AP2B1: variants seen among roughly 807,000 people sequenced by gnomAD.
The protein encoded by AP2B1 is adaptor related protein complex 2 subunit beta 1.
In AP2B1, 23 loss-of-function variants were observed where a neutral mutation model predicts 102.0. The observed-to-expected ratio is 0.23, with a 90% CI of 0.16 to 0.32. The LOEUF (loss-of-function observed/expected upper bound fraction) is 0.32. Ranked by LOEUF, AP2B1 falls within the 10% of genes least tolerant of loss-of-function variation. The pLI, the probability that AP2B1 is intolerant of heterozygous loss-of-function variation, is 1.00. For missense variants in AP2B1, 541 were observed against 1,157.4 expected (o/e 0.47, Z 7.73); for synonymous variants, 381 against 421.2 (o/e 0.90, Z 1.17).
chr17:35,589,790 C>G (rs1407760038), intron 1 of AP2B1, among the ~76,000 whole-genome samples: 1 of 152,156 alleles, frequency 6.6e-6, no homozygotes, highest in East Asian at 1.9e-4. Context: ...TCCATCATGG[C>G]TTTGCTTATT....
intron 2 of AP2B1, among the ~76,000 whole-genome samples, chr17:35,595,065 A>G (rs1567763829): frequency 6.6e-6 from 1 of 152,158 alleles, no homozygotes; most frequent in East Asian, 1.9e-4. Context: ...GCCAACTACC[A>G]TTCTTCTTTT....
At chr17:35,642,374 T>A (rs1302686736) in intron 12 of AP2B1, among the ~76,000 whole-genome samples, 1 of 152,234 alleles carries the variant, frequency 6.6e-6, no homozygotes, top group Non-Finnish European at 1.5e-5. Context: ...CCAGAGTAGT[T>A]GCCTTTCTCA....
chr17:35,688,504 C>A, intron 18 of AP2B1, among the ~76,000 whole-genome samples: 1 of 152,110 alleles, frequency 6.6e-6, no homozygotes, highest in Non-Finnish European at 1.5e-5. Flanking sequence ...AAACTCATGT[C>A]CTTCAATTTT....
At chr17:35,645,034 A>G (rs991742663) in intron 12 of AP2B1, among the ~76,000 whole-genome samples, 3 of 142,210 alleles carry the variant, frequency 2.1e-5, no homozygotes, top group African/African-American at 7.5e-5. Flanking sequence ...TCTGTCTCGG[A>G]AAAAAAAAAA....
At chr17:35,626,903 T>A (rs1361051643) in intron 7 of AP2B1, 61 bp downstream of exon 7, 1 of 1,424,522 alleles carries the variant, frequency 7.0e-7, no homozygotes, top group Non-Finnish European at 9.9e-7. Context: ...CTTAATAATG[T>A]CAATGTTAAT....
chr17:35,707,006 C>A (rs990590133), intron 18 of AP2B1, among the ~76,000 whole-genome samples: 1 of 152,014 alleles, frequency 6.6e-6, no homozygotes, highest in Non-Finnish European at 1.5e-5. Context: ...TCAAGATCTT[C>A]TTGGTGCCCT....
intron 3 of AP2B1, among the ~76,000 whole-genome samples, chr17:35,599,817 G>A (rs2073417608): frequency 1.3e-5 from 2 of 152,170 alleles, no homozygotes. Flanking sequence ...GGCTGAGGCA[G>A]TAGAATTGCT....
chr17:35,667,189 A>G (rs1332607848), intron 14 of AP2B1, among the ~76,000 whole-genome samples: 1 of 152,172 alleles, frequency 6.6e-6, no homozygotes, highest in Non-Finnish European at 1.5e-5. Context: ...ACCCATCATC[A>G]TGCTGTCACC....
At chr17:35,606,732 A>T (rs1263936109) in intron 4 of AP2B1, among the ~76,000 whole-genome samples, 1 of 152,092 alleles carries the variant, frequency 6.6e-6, no homozygotes, top group Non-Finnish European at 1.5e-5. Context: ...CCTGAACATC[A>T]TATATTAAAT....
At chr17:35,617,402 A>G (rs2074056151) in intron 5 of AP2B1, among the ~76,000 whole-genome samples, 1 of 152,212 alleles carries the variant, frequency 6.6e-6, no homozygotes, top group Non-Finnish European at 1.5e-5. Context: ...AGTGCCGGAT[A>G]TTAATAATTT....
chr17:35,639,826 A>G (rs1045987697), intron 11 of AP2B1, 66 bp downstream of exon 11: 20 of 1,462,450 alleles, frequency 1.4e-5, no homozygotes, highest in Admixed American at 1.3e-4. Context: ...CAGAGAAAGC[A>G]AAGGTTATAG....
At chr17:35,634,083 G>T (rs375428361) in intron 9 of AP2B1, among the ~76,000 whole-genome samples, 45 of 152,206 alleles carry the variant, frequency 3.0e-4, no homozygotes, top group African/African-American at 1.1e-3. Context: ...GGAGACAAAG[G>T]TTGCAGTGAG....
At chr17:35,697,263 G>A (rs982197406) in intron 18 of AP2B1, among the ~76,000 whole-genome samples, 1 of 152,234 alleles carries the variant, frequency 6.6e-6, no homozygotes, top group Non-Finnish European at 1.5e-5. Flanking sequence ...CAAGATCACA[G>A]CACATTAATG....
chr17:35,682,890 T>G, intron 18 of AP2B1, 66 bp downstream of exon 18: 1 of 1,441,344 alleles, frequency 6.9e-7, no homozygotes, highest in Non-Finnish European at 9.4e-7. Context: ...ATTATTATTA[T>G]TTTTAAAGAC....
At position 35,605,770 on chromosome 17, in the gene AP2B1, A is replaced by G; in HGVS notation, c.209A>G (p.Tyr70Cys). ...AATCTGGAACTAAAGAAGCTTGTGT[A>G]TCTCTACTTGATGAACTACGCCAAG... ...TDNLELKKLV[Y>C]LYLMNYAKSQ... The change falls in exon 4 of 22, where the codon TAT becomes TGT. Residue 70 changes from tyrosine to cysteine, a missense_variant. Tyr to Cys is a radical substitution (Grantham distance 194). This residue lies in a region of AP2B1 where 28 missense variants were observed against 98.3 expected (regional missense o/e 0.28). Coordinates refer to ENST00000610402, the MANE Select transcript of AP2B1 (RefSeq NM_001030006.2). 6.2e-7 allele frequency: 1 copy of G among 1,614,212 alleles called. No homozygotes were observed. Among genetic ancestry groups the G allele is most frequent in the Non-Finnish European group, 8.5e-7 (1 of 1,180,004 alleles).
intron 18 of AP2B1, among the ~76,000 whole-genome samples, chr17:35,687,891 T>G (rs992912950): frequency 3.9e-5 from 6 of 152,214 alleles, no homozygotes; most frequent in African/African-American, 1.2e-4. Context: ...TCTTTGAAGC[T>G]GAGCCATATA....
At chr17:35,633,176 A>G (rs2074510917) in intron 9 of AP2B1, among the ~76,000 whole-genome samples, 1 of 152,108 alleles carries the variant, frequency 6.6e-6, no homozygotes, top group Non-Finnish European at 1.5e-5. Context: ...CCTGGTCAAC[A>G]TGGTGAAACC....
intron 11 of AP2B1, among the ~76,000 whole-genome samples, chr17:35,640,238 T>A (rs56266204): frequency 2.7e-3 from 47 of 17,678 alleles, no homozygotes; most frequent in South Asian, 5.5e-3. Flanking sequence ...TTTTTTTTTT[T>A]TTTTTTTTTT....
At chr17:35,664,264 A>AT (rs1204093674) in intron 14 of AP2B1, among the ~76,000 whole-genome samples, 5 of 152,046 alleles carry the variant, frequency 3.3e-5, no homozygotes, top group Non-Finnish European at 5.9e-5. Flanking sequence ...TTGTTTATTT[A>AT]TTTTTTTGAG....
Sources: allele counts gnomAD v4.1 joint callset (sites outside exome capture counted in the v4.1 genomes callset), GRCh38; gene constraint gnomAD v4.1.1; regional missense constraint gnomAD v4.1.1; transcripts MANE v1.5; gene names NCBI Gene and HGNC (gene_info 2026-07-23, HGNC 2026-07-21).